Variants in XRN1 observed in about 807,000 individuals in gnomAD.
XRN1 encodes the protein 5'-3' exoribonuclease 1, also known as strand-exchange protein 1 homolog.
XRN1 carries 67 observed loss-of-function variants against 222.3 expected under a neutral mutation model. The observed-to-expected ratio is 0.30, with a 90% CI of 0.25 to 0.37. The LOEUF (loss-of-function observed/expected upper bound fraction) is 0.37. XRN1 is among the 10% of genes least tolerant of loss of function. The pLI is 1.00. For synonymous variants in XRN1, 643 were observed against 652.4 expected, an observed-to-expected ratio of 0.99 and a Z score of 0.22; for missense variants, 1,707 against 2,000.2, an observed-to-expected ratio of 0.85 and a Z score of 2.80.
At chr3:142,407,825 A>G (rs1280954649) in intron 15 of XRN1, 1 of 152,094 alleles carries the variant, frequency 6.6e-6, no homozygotes, top group Admixed American at 6.5e-5. Context: ...GTTCTCTTCA[A>G]TTTCCAGTTC....
At chr3:142,326,005 A>T (rs547886156) in intron 37 of XRN1, among the ~76,000 whole-genome samples, 235 of 152,118 alleles carry the variant, frequency 1.5e-3, no homozygotes, top group African/African-American at 4.8e-3. Flanking sequence ...TGGATTCTCT[A>T]TTCTGTTCCA....
intron 15 of XRN1, among the ~76,000 whole-genome samples, chr3:142,407,932 T>C (rs1285882152): frequency 6.6e-6 from 1 of 152,268 alleles, no homozygotes; most frequent in Admixed American, 6.5e-5. Flanking sequence ...ACATGATTGA[T>C]ATCTTCATTT....
At chr3:142,316,486 CT>C (rs1560280375) in intron 39 of XRN1, among the ~76,000 whole-genome samples, 1 of 151,990 alleles carries the variant, frequency 6.6e-6, no homozygotes, top group Non-Finnish European at 1.5e-5. Flanking sequence ...CTTAGTCTTG[CT>C]CATATCAATT....
In XRN1 at chr3:142,423,473, G is replaced by A; in HGVS notation, c.710+87C>T. ...AGTGAAAAGGCAACCTACGGAATGAGATAAAGTATTTACAAACATGTATCT... is the reference window on the plus strand; with the variant it reads ...AGTGAAAAGGCAACCTACGGAATGAAATAAAGTATTTACAAACATGTATCT... On this transcript the variant is annotated intron_variant, in intron 6 of 40. Transcript: ENST00000392981. 3 of 1,080,664 alleles carry A rather than the reference G, an allele frequency of 2.8e-6. No homozygotes were observed. The African/African-American group carries it at 4.9e-5, about 18-fold the overall frequency. The allele number at this position is 1,080,664 out of a possible 1,614,324, so 66.9% of individuals were successfully genotyped here.
At chr3:142,403,295 T>C (rs2068215487) in intron 18 of XRN1, among the ~76,000 whole-genome samples, 1 of 152,176 alleles carries the variant, frequency 6.6e-6, no homozygotes, top group South Asian at 2.1e-4. Context: ...AACAATAATA[T>C]ATGACATTTT....
intron 29 of XRN1, 108 bp downstream of exon 29, chr3:142,364,939 G>C: frequency 8.7e-7 from 1 of 1,147,418 alleles, no homozygotes; most frequent in Non-Finnish European, 1.2e-6. Flanking sequence ...AAGATTGTTT[G>C]TTCCTGATTT....
At chr3:142,439,788 G>T (rs567940474) in intron 1 of XRN1, among the ~76,000 whole-genome samples, 64 of 151,948 alleles carry the variant, frequency 4.2e-4, no homozygotes, top group Non-Finnish European at 5.4e-4. Context: ...ATGGCCCTTA[G>T]GCAAGTGGAC....
At chr3:142,330,909 C>T (rs992046489) in intron 36 of XRN1, among the ~76,000 whole-genome samples, 11 of 152,082 alleles carry the variant, frequency 7.2e-5, no homozygotes, top group African/African-American at 2.2e-4. Flanking sequence ...CGGGTTCAAG[C>T]GATTCTCCTG....
intron 15 of XRN1, among the ~76,000 whole-genome samples, chr3:142,411,402 A>G (rs1008338212): frequency 2.6e-5 from 4 of 151,784 alleles, no homozygotes; most frequent in Non-Finnish European, 4.4e-5. Context: ...TTCTTTTTCT[A>G]TCTTCTTAAG....
Position 142,414,264 on chromosome 3 carries a change from G to C in XRN1, c.1464C>G (p.Phe488Leu). 6.2e-7 allele frequency: 1 copy of C among 1,611,958 alleles called. No homozygotes were observed. Among genetic ancestry groups the C allele is most frequent in the South Asian group, 1.1e-5 (1 of 90,596 alleles). ...SWYYPYHYAP[F>L]LSDIHNISTL... ...TACTGATGTTGTGTATATCAGACAGGAAAGGTGCATAATGATAAGGATAAT... is the reference window on the plus strand; with the variant it reads ...TACTGATGTTGTGTATATCAGACAGCAAAGGTGCATAATGATAAGGATAAT... The change falls in exon 14 of 41, where the codon TTC becomes TTG. Residue 488 changes from phenylalanine (F) to leucine (L), a missense_variant. By Grantham distance (22) the Phe-to-Leu change is conservative. Coordinates refer to ENST00000392981, the MANE Select transcript of XRN1 (RefSeq NM_001282857.2).
At chr3:142,379,669 T>C (rs2067244877) in intron 23 of XRN1, among the ~76,000 whole-genome samples, 1 of 152,228 alleles carries the variant, frequency 6.6e-6, no homozygotes, top group Non-Finnish European at 1.5e-5. Flanking sequence ...TTCTTTAGGA[T>C]TGAGACTGTT....
At chr3:142,365,690 A>G (rs1328357584) in intron 27 of XRN1, among the ~76,000 whole-genome samples, 1 of 152,160 alleles carries the variant, frequency 6.6e-6, no homozygotes, top group African/African-American at 2.4e-5. Context: ...TTCAAGAAAC[A>G]ACATTGCTAA....
intron 20 of XRN1, among the ~76,000 whole-genome samples, chr3:142,392,391 A>G (rs905484922): frequency 9.9e-5 from 15 of 151,514 alleles, no homozygotes; most frequent in Admixed American, 6.6e-5. Flanking sequence ...GGTTAGTTAC[A>G]TATGTATACA....
chr3:142,416,658 T>C (rs933646866), intron 13 of XRN1, among the ~76,000 whole-genome samples: 3 of 152,320 alleles, frequency 2.0e-5, no homozygotes, highest in East Asian at 3.9e-4. Flanking sequence ...AGACCTCTTA[T>C]TATGAGCCTT....
chr3:142,318,504 G>T, intron 39 of XRN1, 88 bp downstream of exon 39: 2 of 1,200,512 alleles, frequency 1.7e-6, no homozygotes, highest in Non-Finnish European at 2.4e-6. Context: ...TACATTCCTA[G>T]ATATTTGAGT....
intron 20 of XRN1, among the ~76,000 whole-genome samples, chr3:142,386,452 C>T (rs1259118262): frequency 4.6e-5 from 7 of 151,948 alleles, no homozygotes; most frequent in Non-Finnish European, 8.8e-5. Context: ...GCGGAAAAAA[C>T]ATTTTACAAA....
rs2065025010 is a variant in XRN1 at position 142,309,039 on chromosome 3, C to T, written c.*2472G>A. 6.6e-6 allele frequency: 1 copy of T among 152,304 alleles called. No individual in the cohort carries two copies. Among genetic ancestry groups the T allele is most frequent in the African/African-American group, 2.4e-5 (1 of 41,566 alleles). The allele number at this position is 152,304 out of a possible 1,614,324, so 9.4% of individuals were successfully genotyped here. ...GGGCAGAAATGGCCTCTGCTTCTTACATCCTCCATAGGGAGGGCACATCTC... is the reference window on the plus strand; with the variant it reads ...GGGCAGAAATGGCCTCTGCTTCTTATATCCTCCATAGGGAGGGCACATCTC... On this transcript the variant is annotated 3_prime_UTR_variant, in exon 41 of 41. Coordinates refer to ENST00000392981, the MANE Select transcript of XRN1 (RefSeq NM_001282857.2).
intron 39 of XRN1, among the ~76,000 whole-genome samples, chr3:142,317,768 C>T (rs1424575073): frequency 6.6e-6 from 1 of 152,186 alleles, no homozygotes; most frequent in Non-Finnish European, 1.5e-5. Flanking sequence ...AAGATCTGAA[C>T]CTCTTGGGAA....
At chr3:142,370,356 A>T in intron 27 of XRN1, 129 bp downstream of exon 27, 1 of 1,187,408 alleles carries the variant, frequency 8.4e-7, no homozygotes. Context: ...AAATTACAGG[A>T]TTATTTGATA....
Sources: gnomAD v4.1 joint callset for allele counts (sites outside exome capture counted in the v4.1 genomes callset) on GRCh38, gnomAD v4.1.1 for gene constraint, MANE v1.5 for transcripts, NCBI Gene and HGNC (gene_info 2026-07-23, HGNC 2026-07-21) for gene names.